Variants in PCDHA2 observed in about 807,000 individuals in gnomAD.
PCDHA2 encodes the protein protocadherin alpha-2.
In PCDHA2, 58 loss-of-function variants were observed where a neutral mutation model predicts 66.0. The observed-to-expected ratio is 0.88, with a 90% CI of 0.71 to 1.09. The LOEUF is 1.09. Ranked by LOEUF, PCDHA2 falls within the 50% of genes least tolerant of loss-of-function variation. The pLI, the probability that PCDHA2 is intolerant of heterozygous loss-of-function variation, is 0.00. For missense variants in PCDHA2, 1,267 were observed against 1,242.3 expected (o/e 1.02, Z -0.30); for synonymous variants, 634 against 554.0 (o/e 1.14, Z -2.03).
chr5:140,927,530 G>A (rs2084329100), intron 1 of PCDHA2: 2 of 1,614,080 alleles, frequency 1.2e-6, no homozygotes, highest in Non-Finnish European at 1.7e-6. Flanking sequence ...CTACCTGCCC[G>A]CTCAGGAGAC....
intron 1 of PCDHA2, among the ~76,000 whole-genome samples, chr5:140,819,828 T>C (rs1766632224): frequency 1.3e-5 from 2 of 152,058 alleles, no homozygotes; most frequent in South Asian, 2.1e-4. Flanking sequence ...GAACTGATAT[T>C]GTTGATGACT....
chr5:140,879,872 T>C (rs944464993), intron 1 of PCDHA2, among the ~76,000 whole-genome samples: 1 of 152,208 alleles, frequency 6.6e-6, no homozygotes, highest in African/African-American at 2.4e-5. Context: ...GCTTTCATGG[T>C]CACATTGCCT....
chr5:140,863,171 C>T (rs782749533), intron 1 of PCDHA2: 11 of 696,670 alleles, frequency 1.6e-5, no homozygotes, highest in Non-Finnish European at 2.8e-5. Flanking sequence ...CTGGCGCTGA[C>T]TGCCACCGTC....
At chr5:140,829,572 T>C (rs1770395832) in intron 1 of PCDHA2, 2 of 1,612,506 alleles carry the variant, frequency 1.2e-6, no homozygotes, top group Non-Finnish European at 8.5e-7. Flanking sequence ...TCCTACTCGC[T>C]GGTGGAGCGG....
At chr5:140,860,151 GTGTATATATATA>G (rs1350684051) in intron 1 of PCDHA2, 1 of 149,616 alleles carries the variant, frequency 6.7e-6, no homozygotes, top group African/African-American at 2.5e-5. Context: ...ATGTATATAT[GTGTATATATATA>G]TGTATATATA....
At position 140,870,670 on chromosome 5, in the gene PCDHA2, G is replaced by A. The variant is rs782000668; in HGVS notation, c.2388+73318G>A. On this transcript the variant is annotated intron_variant, in intron 1 of 3. Coordinates refer to ENST00000526136, the MANE Select transcript of PCDHA2 (RefSeq NM_018905.3). Reference sequence around the variant, plus strand: ...CAAGGTGTACGCGCTGCAGCCGTTGGACCACGAGGAGCTGGAGCTGCTACA... The same window carrying A: ...CAAGGTGTACGCGCTGCAGCCGTTGAACCACGAGGAGCTGGAGCTGCTACA... The A allele has an allele frequency of 3.1e-6, 5 of 1,612,518 alleles. No individual in the cohort carries two copies. The East Asian group carries it at 1.1e-4, about 36-fold the overall frequency.
rs782134920 is a variant in PCDHA2, at chr5:140,869,400, C to A, written c.2388+72048C>A. ...ACCGCGAGGAGCTGTGCGGGCAGAG[C>A]GCGGAGTGCAGCATCCACCTGGAGG... On this transcript the variant is annotated intron_variant, in intron 1 of 3. Coordinates refer to ENST00000526136, the MANE Select transcript of PCDHA2 (RefSeq NM_018905.3). The A allele has an allele frequency of 5.2e-5, 84 of 1,614,026 alleles. 2 individuals carry two copies. The Admixed American group carries it at 7.2e-4, about 14-fold the overall frequency.
chr5:140,946,763 C>T (rs1453017337), intron 1 of PCDHA2, among the ~76,000 whole-genome samples: 1 of 151,160 alleles, frequency 6.6e-6, no homozygotes, highest in Non-Finnish European at 1.5e-5. Context: ...TGATCTCATT[C>T]ATGTGGAATG....
chr5:140,862,637 TCA>T (rs1396343286), intron 1 of PCDHA2: 1 of 539,612 alleles, frequency 1.9e-6, no homozygotes, highest in Admixed American at 1.9e-5. Flanking sequence ...TGCCACGACT[TCA>T]CAGTGTCCGC....
At chr5:140,858,775 A>C (rs2045585315) in intron 1 of PCDHA2, 2 of 422,450 alleles carry the variant, frequency 4.7e-6, no homozygotes, top group Non-Finnish European at 8.6e-6. Context: ...TGAGATTAGT[A>C]CTTCATGTTA....
rs1440193758 is a variant in PCDHA2 at position 140,844,281 on chromosome 5, T to C, written c.2388+46929T>C. ...AGTGATAAAATACAGAATGATAGTG[T>C]TTTTCAAAATTTGATAGTTTTCATA... On this transcript the variant is annotated intron_variant, in intron 1 of 3. Coordinates refer to ENST00000526136, the MANE Select transcript of PCDHA2 (RefSeq NM_018905.3). Among the ~76,000 whole-genome samples the C allele has an allele frequency of 1.3e-5, 2 of 149,114 alleles. 1 individual carries two copies. Among genetic ancestry groups the C allele is most frequent in the Non-Finnish European group, 3.0e-5 (2 of 66,432 alleles).
At chr5:140,831,492 T>TGGG (rs1554133281) in intron 1 of PCDHA2, among the ~76,000 whole-genome samples, 1 of 147,590 alleles carries the variant, frequency 6.8e-6, no homozygotes, top group East Asian at 2.0e-4. Flanking sequence ...CTGGAGTTAC[T>TGGG]ACACACGAGC....
chr5:140,828,025 G>A (rs1554130972), intron 1 of PCDHA2: 1 of 1,517,138 alleles, frequency 6.6e-7, no homozygotes, highest in African/African-American at 1.4e-5. Context: ...AATAAATTCC[G>A]GAACATACAG....
At chr5:140,884,498 G>C in intron 1 of PCDHA2, 5 of 1,614,076 alleles carry the variant, frequency 3.1e-6, no homozygotes, top group Non-Finnish European at 4.2e-6. Context: ...GTGCTCCAGC[G>C]CGGCAGGGAG....
intron 1 of PCDHA2, chr5:140,927,462 A>C (rs782679625): frequency 6.2e-7 from 1 of 1,614,138 alleles, no homozygotes; most frequent in East Asian, 2.2e-5. Flanking sequence ...TGGAGAAAGC[A>C]CTGGATCGCG....
intron 1 of PCDHA2, among the ~76,000 whole-genome samples, chr5:140,955,118 G>C (rs2095139401): frequency 6.6e-6 from 1 of 152,058 alleles, no homozygotes; most frequent in African/African-American, 2.4e-5. Flanking sequence ...TCTCTATTCT[G>C]TTCCACTGGT....
intron 3 of PCDHA2, among the ~76,000 whole-genome samples, chr5:140,995,324 G>C (rs1290299693): frequency 1.3e-5 from 2 of 152,190 alleles, no homozygotes; most frequent in Non-Finnish European, 2.9e-5. Context: ...GAACTAACAG[G>C]TGAGTAGTGT....
chr5:140,854,688 G>A (rs1468709591), intron 1 of PCDHA2: 2 of 149,770 alleles, frequency 1.3e-5, no homozygotes, highest in Non-Finnish European at 3.0e-5. Context: ...TATGTCTGTT[G>A]TTAAGTTTTC....
At chr5:140,911,934 A>G (rs2075691303) in intron 1 of PCDHA2, among the ~76,000 whole-genome samples, 1 of 152,158 alleles carries the variant, frequency 6.6e-6, no homozygotes, top group East Asian at 1.9e-4. Flanking sequence ...AATAGGATAG[A>G]TGTATATATA....
Sources: allele counts gnomAD v4.1 joint callset (sites outside exome capture counted in the v4.1 genomes callset), GRCh38; gene constraint gnomAD v4.1.1; transcripts MANE v1.5; gene names NCBI Gene and HGNC (gene_info 2026-07-23, HGNC 2026-07-21).